GAS7: variants seen among roughly 807,000 people sequenced by gnomAD.
GAS7 encodes growth arrest-specific protein 7.
In GAS7, 28 loss-of-function variants were observed where a neutral mutation model predicts 71.1. The ratio of observed to expected loss-of-function variants is 0.39; its 90% CI spans 0.29 to 0.54. GAS7 has a LOEUF of 0.54. GAS7 is among the 20% of genes least tolerant of loss of function. The pLI is 0.62. For synonymous variants in GAS7, 258 were observed against 245.8 expected (o/e 1.05, Z -0.46); for missense variants, 436 against 627.8 (o/e 0.69, Z 3.27).
chr17:9,929,248 C>T (rs553958569), intron 9 of GAS7, among the ~76,000 whole-genome samples: 3 of 152,276 alleles, frequency 2.0e-5, no homozygotes, highest in East Asian at 1.9e-4. Flanking sequence ...GGCTTTAATA[C>T]GCCCAGGAAT....
At chr17:9,977,772 T>C (rs2070263199) in intron 3 of GAS7, among the ~76,000 whole-genome samples, 1 of 152,076 alleles carries the variant, frequency 6.6e-6, no homozygotes, top group Admixed American at 6.6e-5. Context: ...GGGGGAGGAC[T>C]CTAGGCATGT....
chr17:10,047,329 AG>A (rs2072991813), intron 1 of GAS7, among the ~76,000 whole-genome samples: 1 of 152,216 alleles, frequency 6.6e-6, no homozygotes, highest in Non-Finnish European at 1.5e-5. Flanking sequence ...ACAGTTCACC[AG>A]GCAAAGGCCA....
At chr17:10,001,564 G>A (rs1367631338) in intron 2 of GAS7, among the ~76,000 whole-genome samples, 1 of 152,106 alleles carries the variant, frequency 6.6e-6, no homozygotes, top group African/African-American at 2.4e-5. Context: ...TGTCTCTCAG[G>A]GGAAATACAG....
chr17:10,062,453 C>A (rs888436562), intron 1 of GAS7, among the ~76,000 whole-genome samples: 1 of 152,096 alleles, frequency 6.6e-6, no homozygotes, highest in Non-Finnish European at 1.5e-5. Context: ...TCGCTGCACT[C>A]CAGCCCAGGC....
At chr17:10,142,422 G>A (rs540323074) in intron 1 of GAS7, among the ~76,000 whole-genome samples, 33 of 152,282 alleles carry the variant, frequency 2.2e-4, no homozygotes, top group African/African-American at 6.7e-4. Context: ...AGGCTGGAGT[G>A]CAGTGGCACG....
At chr17:10,120,775 A>C (rs2073898209) in intron 1 of GAS7, among the ~76,000 whole-genome samples, 1 of 152,204 alleles carries the variant, frequency 6.6e-6, no homozygotes. Context: ...GCTGCTCAGG[A>C]GCCTGCACCC....
rs1042267525 is a variant in GAS7, at chr17:9,989,271, A to C, written c.305-7387T>G. On this transcript the variant is annotated intron_variant, in intron 2 of 13. Transcript: ENST00000432992. Reference sequence around the variant, plus strand: ...TCTAGGCTGGGACTCTGGGAGCTGCAGCAAAACAGTGTATTTTAATCTATA... The same window carrying C: ...TCTAGGCTGGGACTCTGGGAGCTGCCGCAAAACAGTGTATTTTAATCTATA... Among the ~76,000 whole-genome samples the C allele has an allele frequency of 3.3e-5, 5 of 152,318 alleles. No homozygotes were observed. The South Asian group carries it at 6.2e-4, about 19-fold the overall frequency.
At chr17:10,148,383 G>GGTGGATCACAAGGTCAGGAGAT (rs2074137204) in intron 1 of GAS7, among the ~76,000 whole-genome samples, 2 of 151,782 alleles carry the variant, frequency 1.3e-5, no homozygotes, top group Non-Finnish European at 2.9e-5. Context: ...GGTCATGGTG[G>GGTGGATCACAAGGTCAGGAGAT]GTGGATCACA....
chr17:10,030,015 C>T (rs2072573570), intron 1 of GAS7, among the ~76,000 whole-genome samples: 1 of 152,146 alleles, frequency 6.6e-6, no homozygotes. Flanking sequence ...GTCCCTCCTG[C>T]CAAATATCAG....
chr17:10,123,499 G>A (rs1318951440), intron 1 of GAS7, among the ~76,000 whole-genome samples: 2 of 152,234 alleles, frequency 1.3e-5, no homozygotes, highest in African/African-American at 4.8e-5. Flanking sequence ...CAGTCCTGCT[G>A]TTGATCTGAC....
intron 2 of GAS7, among the ~76,000 whole-genome samples, chr17:9,982,824 G>GGAAAGAAAGGAAAGAAAGAAA (rs1555611352): frequency 4.8e-4 from 56 of 116,252 alleles, no homozygotes; most frequent in African/African-American, 1.7e-3. Context: ...AGGAAAGAAA[G>GGAAAGAAAGGAAAGAAAGAAA]GAAAGAAAGA....
rs942878529 is a variant in GAS7, at chr17:9,920,054, C to T, written c.1139-349G>A. Among the ~76,000 whole-genome samples the T allele has an allele frequency of 2.0e-4, 28 of 141,884 alleles. 1 individual carries two copies. The highest frequency in any genetic ancestry group is 5.4e-4 in the African/African-American group (20 of 37,244). 93.1% of individuals were successfully genotyped at this position (141,884 alleles called of 152,430 possible). On this transcript the variant is annotated intron_variant, in intron 11 of 13. Coordinates refer to ENST00000432992, the MANE Select transcript of GAS7 (RefSeq NM_201433.2). ...TAGGACCCCCAATCCTATCATGAGC[C>T]CAAGAAATGCTTCCCTCTCTAAAGA...
rs1036435686 is a variant in GAS7 at position 9,959,807 on chromosome 17, C to G, written c.472-552G>C. ...AGCCAGGAGGGATTTCTCAGCCAAA[C>G]CGACTTCCAGCTTCCACTCAGTCTT... On this transcript the variant is annotated intron_variant, in intron 4 of 13. Coordinates refer to ENST00000432992, the MANE Select transcript of GAS7 (RefSeq NM_201433.2). This position sits in a 1 kb window ranked among gnomAD's most constrained non-coding sequence, Gnocchi z 5.0. 2.0e-5 allele frequency among the ~76,000 whole-genome samples: 3 copies of G among 151,862 alleles called. No homozygotes were observed. The highest frequency in any genetic ancestry group is 4.4e-5 in the Non-Finnish European group (3 of 68,036).
At chr17:10,036,090 T>C (rs1454309073) in intron 1 of GAS7, among the ~76,000 whole-genome samples, 3 of 152,162 alleles carry the variant, frequency 2.0e-5, no homozygotes, top group Non-Finnish European at 1.5e-5. Flanking sequence ...TGCTTCTCCA[T>C]CACACAGCTC....
chr17:10,106,002 C>T (rs981450177), intron 1 of GAS7, among the ~76,000 whole-genome samples: 8 of 152,142 alleles, frequency 5.3e-5, no homozygotes, highest in Non-Finnish European at 1.0e-4. Flanking sequence ...ACCACCCAGG[C>T]GGGGCCTTTA....
chr17:10,005,226 T>C (rs560661821), intron 2 of GAS7, among the ~76,000 whole-genome samples: 2,742 of 97,672 alleles, frequency 0.028, 86 homozygotes, highest in African/African-American at 0.18. Context: ...CGTGTGCATG[T>C]ATGTGTATGT....
intron 5 of GAS7, among the ~76,000 whole-genome samples, chr17:9,953,142 CAACATGAAATACTATGCA>C (rs2069089031): frequency 1.3e-5 from 2 of 151,678 alleles, no homozygotes; most frequent in East Asian, 3.9e-4. Flanking sequence ...GGTACATATA[CAACATGAAATACTATGCA>C]GCTGTAACAA....
chr17:9,948,514 C>T (rs1010007043), intron 5 of GAS7, among the ~76,000 whole-genome samples: 26 of 152,200 alleles, frequency 1.7e-4, no homozygotes, highest in Admixed American at 1.5e-3. Flanking sequence ...GAAACCCCTT[C>T]TCTACTAAAA....
chr17:10,185,877 G>GGAGT (rs1468272131), intron 1 of GAS7, among the ~76,000 whole-genome samples: 1 of 151,860 alleles, frequency 6.6e-6, no homozygotes, highest in Non-Finnish European at 1.5e-5. Context: ...GAAACAGGAT[G>GGAGT]GAGTGTGAGC....
Sources: gnomAD v4.1 joint callset for allele counts (sites outside exome capture counted in the v4.1 genomes callset) on GRCh38, gnomAD v4.1.1 for gene constraint, Gnocchi (gnomAD v3.1) non-coding constraint, MANE v1.5 for transcripts, NCBI Gene and HGNC (gene_info 2026-07-23, HGNC 2026-07-21) for gene names.